The following MAGI2 variants were observed in gnomAD, a reference collection of about 807,000 sequenced individuals.
MAGI2 encodes the protein membrane-associated guanylate kinase, WW and PDZ domain-containing protein 2.
In MAGI2, 35 loss-of-function variants were observed where a neutral mutation model predicts 133.3. The ratio of observed to expected loss-of-function variants is 0.26; its 90% CI spans 0.20 to 0.35. MAGI2 has a LOEUF of 0.35. Among genes scored for constraint, MAGI2 ranks in the 10% least tolerant of loss-of-function variants. MAGI2 has a pLI of 1.00. For missense variants in MAGI2, 1,636 were observed against 1,863.4 expected (o/e 0.88, Z 2.25); for synonymous variants, 729 against 710.6 (o/e 1.03, Z -0.41).
At chr7:78,868,499 A>G (rs759327167) in intron 2 of MAGI2, among the ~76,000 whole-genome samples, 1 of 152,220 alleles carries the variant, frequency 6.6e-6, no homozygotes, top group Admixed American at 6.5e-5. Flanking sequence ...AAAAATTCTT[A>G]AACTATAATA....
chr7:78,176,948 CACAT>C (rs957191482), intron 14 of MAGI2, among the ~76,000 whole-genome samples: 1 of 149,076 alleles, frequency 6.7e-6, no homozygotes, highest in African/African-American at 2.5e-5. Context: ...CACACACACA[CACAT>C]ATATAGTATA....
At chr7:78,301,934 G>A (rs1277269880) in intron 9 of MAGI2, among the ~76,000 whole-genome samples, 1 of 152,094 alleles carries the variant, frequency 6.6e-6, no homozygotes, top group Non-Finnish European at 1.5e-5. Flanking sequence ...AAATGGGGGT[G>A]ATAACAGCAT....
chr7:79,125,995 G>A (rs948091554), intron 1 of MAGI2, among the ~76,000 whole-genome samples: 1 of 152,252 alleles, frequency 6.6e-6, no homozygotes, highest in Admixed American at 6.5e-5. Context: ...CTTAAGGGCT[G>A]TATTTGTGGC....
At chr7:78,596,206 A>C (rs1804593415) in intron 3 of MAGI2, among the ~76,000 whole-genome samples, 1 of 120,988 alleles carries the variant, frequency 8.3e-6, no homozygotes. Context: ...GAGGGAAGGA[A>C]TGAAGGAAGG....
intron 1 of MAGI2, among the ~76,000 whole-genome samples, chr7:79,359,690 ACACACACACAC>A (rs1842258179): frequency 6.6e-6 from 1 of 151,498 alleles, no homozygotes; most frequent in African/African-American, 2.4e-5. Context: ...ACACACACAC[ACACACACACAC>A]ACACACACAC....
At chr7:79,371,766 A>T (rs967856728) in intron 1 of MAGI2, among the ~76,000 whole-genome samples, 1 of 152,090 alleles carries the variant, frequency 6.6e-6, no homozygotes, top group Non-Finnish European at 1.5e-5. Context: ...AGAATTTTTG[A>T]GTGCTTATAG....
chr7:79,412,116 C>T (rs564392638), intron 1 of MAGI2: 1 of 152,138 alleles, frequency 6.6e-6, no homozygotes, highest in African/African-American at 2.4e-5. Flanking sequence ...CTGGCAAACA[C>T]TACTTAGAAA....
In MAGI2 at chr7:78,019,804, G is replaced by A. The variant is rs758491046; in HGVS notation, c.3879C>T (p.Asp1293=). The A allele has an allele frequency of 3.0e-5, 49 of 1,613,220 alleles. No homozygotes were observed. The highest frequency in any genetic ancestry group is 3.9e-5 in the Non-Finnish European group (46 of 1,179,900). ...CTGAAAGCTCCTTTGGTTTCCTAAC[G>A]TCGTGTTCCCGTTTGATATCCCAAG... ...GPTWDIKREH[D]VRKPKELSAC... Residue 1293 remains aspartate, a synonymous_variant, in exon 22 of 22, where the codon GAC becomes GAT. Transcript: ENST00000354212.
At chr7:79,219,805 T>C (rs1056297044) in intron 1 of MAGI2, among the ~76,000 whole-genome samples, 2 of 152,050 alleles carry the variant, frequency 1.3e-5, no homozygotes, top group African/African-American at 4.8e-5. Flanking sequence ...GCATAGGCTA[T>C]CTGGACACTG....
chr7:79,086,651 G>A lies in MAGI2; in HGVS notation c.302-79445C>T, dbSNP rs75405478. ...GTTCTTACTCTGCCATTCTGAAAAT[G>A]TGATCTCGCTTTCTTATTGTTGTTG... On this transcript the variant is annotated intron_variant, in intron 1 of 21. Coordinates refer to ENST00000354212, the MANE Select transcript of MAGI2 (RefSeq NM_012301.4). Among the ~76,000 whole-genome samples, 62 of 151,888 alleles carry A rather than the reference G, an allele frequency of 4.1e-4. No individual in the cohort carries two copies. In the East Asian group the frequency reaches 0.012, roughly 29 times the overall value.
chr7:78,338,700 A>G (rs1469862779), intron 9 of MAGI2, among the ~76,000 whole-genome samples: 1 of 152,216 alleles, frequency 6.6e-6, no homozygotes, highest in African/African-American at 2.4e-5. Flanking sequence ...ATTTTAAATT[A>G]TCTCACAATT....
At chr7:79,347,058 C>T (rs893126822) in intron 1 of MAGI2, among the ~76,000 whole-genome samples, 5 of 151,886 alleles carry the variant, frequency 3.3e-5, no homozygotes, top group African/African-American at 1.2e-4. Context: ...TTCTCGACTG[C>T]AACAATCCTC....
chr7:78,621,901 A>G (rs547055436), intron 3 of MAGI2, among the ~76,000 whole-genome samples: 93 of 152,172 alleles, frequency 6.1e-4, no homozygotes, highest in Non-Finnish European at 1.2e-3. Context: ...TAAAAATAAA[A>G]GTAGACTTTC....
intron 1 of MAGI2, among the ~76,000 whole-genome samples, chr7:79,019,614 A>G (rs546022621): frequency 6.6e-6 from 1 of 151,366 alleles, no homozygotes; most frequent in South Asian, 2.1e-4. Context: ...TGGTGATCTC[A>G]GCTCGCTTCC....
At chr7:78,751,924 C>G (rs1182879643) in intron 2 of MAGI2, among the ~76,000 whole-genome samples, 1 of 152,166 alleles carries the variant, frequency 6.6e-6, no homozygotes, top group Non-Finnish European at 1.5e-5. Context: ...AGAGATCAGA[C>G]TTATAGTCTA....
At chr7:78,288,513 T>A (rs1796376484) in intron 9 of MAGI2, among the ~76,000 whole-genome samples, 1 of 152,200 alleles carries the variant, frequency 6.6e-6, no homozygotes, top group Non-Finnish European at 1.5e-5. Context: ...GATGCCCAAG[T>A]AGGAACAGCT....
chr7:79,162,323 A>C (rs1017645248), intron 1 of MAGI2, among the ~76,000 whole-genome samples: 1 of 152,082 alleles, frequency 6.6e-6, no homozygotes, highest in Non-Finnish European at 1.5e-5. Context: ...GGTGTTCTGA[A>C]GACCAGAGAT....
intron 2 of MAGI2, among the ~76,000 whole-genome samples, chr7:78,859,463 C>A (rs1793963918): frequency 6.6e-6 from 1 of 151,996 alleles, no homozygotes; most frequent in Non-Finnish European, 1.5e-5. Context: ...AGCATTTGTT[C>A]GTCTGTAAAG....
At chr7:78,520,459 T>G (rs969986389) in intron 4 of MAGI2, among the ~76,000 whole-genome samples, 3 of 151,806 alleles carry the variant, frequency 2.0e-5, no homozygotes, top group African/African-American at 7.3e-5. Context: ...GACATCAAAG[T>G]GGTAATAAGA....
Sources: gnomAD v4.1 joint callset for allele counts (sites outside exome capture counted in the v4.1 genomes callset) on GRCh38, gnomAD v4.1.1 for gene constraint, MANE v1.5 for transcripts, NCBI Gene and HGNC (gene_info 2026-07-23, HGNC 2026-07-21) for gene names.